KIDINS220: variants seen among roughly 807,000 people sequenced by gnomAD.
KIDINS220 encodes kinase D-interacting substrate of 220 kDa.
A neutral mutation model predicts 157.6 loss-of-function variants in KIDINS220; 63 were observed. The observed-to-expected ratio is 0.40, with a 90% confidence interval of 0.33 to 0.49. KIDINS220 has a LOEUF of 0.49. Among genes scored for constraint, KIDINS220 ranks in the 20% least tolerant of loss-of-function variants. The pLI is 0.66. For synonymous variants in KIDINS220, 732 were observed against 783.6 expected (o/e 0.93, Z 1.10); for missense variants, 1,772 against 2,171.2 (o/e 0.82, Z 3.65).
In KIDINS220 at chr2:8,730,407, A is replaced by C; in HGVS notation, c.*313T>G. 1 of 1,119,534 alleles carries C rather than the reference A, an allele frequency of 8.9e-7. No homozygotes were observed. The highest frequency in any genetic ancestry group is 1.1e-6 in the Non-Finnish European group (1 of 917,768). 69.4% of individuals were successfully genotyped at this position (1,119,534 alleles called of 1,614,324 possible). A position where few individuals can be genotyped will look rare whatever the true frequency, so the allele number is the denominator to read the frequency against. ...TTTGGCACATTAAGCCCTTTAAAAT[A>C]CTTCTGACCTATCTTTATACTCAGA... On this transcript the variant is annotated 3_prime_UTR_variant, in exon 30 of 30. Coordinates refer to ENST00000256707, the MANE Select transcript of KIDINS220 (RefSeq NM_020738.4).
chr2:8,820,560 C>T (rs1037065854), intron 2 of KIDINS220, among the ~76,000 whole-genome samples: 1 of 152,116 alleles, frequency 6.6e-6, no homozygotes, highest in Non-Finnish European at 1.5e-5. Flanking sequence ...GTTCAAGTAT[C>T]GGTCACGTTA....
At chr2:8,797,090 C>G (rs892896370) in intron 10 of KIDINS220, among the ~76,000 whole-genome samples, 3 of 152,060 alleles carry the variant, frequency 2.0e-5, no homozygotes, top group African/African-American at 7.2e-5. Context: ...TGGGACCTGC[C>G]CCAGCTGCTC....
In KIDINS220 at chr2:8,733,645, G is replaced by A. The variant is rs1340917260; in HGVS notation, c.3852C>T (p.Val1284=). The part of the protein sequence containing the change: ...LEMRNAESHV[V]PEDPRFLSES... ...CACTGAGGAAACGTGGGTCTTCAGG[G>A]ACCACGTGGCTTTCTGCGTTTCTCA... Residue 1284 remains valine, a synonymous_variant, in exon 29 of 30, where the codon GTC becomes GTT. Coordinates refer to ENST00000256707, the MANE Select transcript of KIDINS220 (RefSeq NM_020738.4). 2 of 1,597,268 alleles carry A rather than the reference G, an allele frequency of 1.3e-6. No individual in the cohort carries two copies. Among genetic ancestry groups the A allele is most frequent in the East Asian group, 4.5e-5 (2 of 44,402 alleles).
chr2:8,829,149 C>A (rs1440762956), intron 1 of KIDINS220, among the ~76,000 whole-genome samples: 1 of 152,172 alleles, frequency 6.6e-6, no homozygotes, highest in Admixed American at 6.5e-5. Context: ...CAGATCGGGG[C>A]TGCCAGGGTC....
At chr2:8,808,109 G>T (rs1304230902) in intron 6 of KIDINS220, among the ~76,000 whole-genome samples, 1 of 151,544 alleles carries the variant, frequency 6.6e-6, no homozygotes, top group African/African-American at 2.4e-5. Flanking sequence ...GGGTAACAGA[G>T]CAAGACTCTG....
intron 6 of KIDINS220, among the ~76,000 whole-genome samples, chr2:8,810,932 G>A (rs184679331): frequency 3.3e-5 from 5 of 152,034 alleles, no homozygotes; most frequent in Admixed American, 6.5e-5. Flanking sequence ...GCCTCCCTAC[G>A]CTCCTCATTA....
intron 22 of KIDINS220, among the ~76,000 whole-genome samples, chr2:8,758,304 G>T (rs912777446): frequency 6.6e-6 from 1 of 152,090 alleles, no homozygotes; most frequent in Non-Finnish European, 1.5e-5. Flanking sequence ...TCACTTCCCA[G>T]GTTCCAAACA....
chr2:8,828,472 C>A (rs890020228), intron 1 of KIDINS220, among the ~76,000 whole-genome samples: 1 of 152,152 alleles, frequency 6.6e-6, no homozygotes, highest in Non-Finnish European at 1.5e-5. Context: ...ACTATAAGTT[C>A]TAAAAGAGTA....
intron 7 of KIDINS220, among the ~76,000 whole-genome samples, chr2:8,804,512 G>A (rs776327520): frequency 6.6e-6 from 1 of 152,158 alleles, no homozygotes; most frequent in African/African-American, 2.4e-5. Flanking sequence ...TCAGTAAGAT[G>A]TATCTAACCA....
At chr2:8,820,351 C>T (rs759996658) in intron 2 of KIDINS220, among the ~76,000 whole-genome samples, 4 of 152,104 alleles carry the variant, frequency 2.6e-5, no homozygotes, top group Non-Finnish European at 5.9e-5. Flanking sequence ...AAACTATATA[C>T]CCAGTGTGAG....
At chr2:8,728,694 G>A (rs891284254), downstream of KIDINS220, among the ~76,000 whole-genome samples, 1 of 152,220 alleles carries the variant, frequency 6.6e-6, no homozygotes, top group Non-Finnish European at 1.5e-5. Context: ...GCGCTAGCAT[G>A]CTGTGGGCAC....
intron 8 of KIDINS220, among the ~76,000 whole-genome samples, chr2:8,801,309 A>C (rs951873930): frequency 6.6e-6 from 1 of 152,226 alleles, no homozygotes; most frequent in Non-Finnish European, 1.5e-5. Flanking sequence ...CTATGAAATA[A>C]ATCAGGATGC....
intron 1 of KIDINS220, among the ~76,000 whole-genome samples, chr2:8,833,659 T>A (rs1477672621): frequency 2.6e-5 from 4 of 152,208 alleles, no homozygotes; most frequent in African/African-American, 9.7e-5. Flanking sequence ...ATTTCTTGAA[T>A]AAATGGACAT....
intron 1 of KIDINS220, among the ~76,000 whole-genome samples, chr2:8,831,251 T>G (rs533568605): frequency 4.6e-5 from 7 of 152,308 alleles, no homozygotes; most frequent in Non-Finnish European, 8.8e-5. Context: ...GATGAGGGCA[T>G]GCAGATTCTT....
At chr2:8,741,794 C>T (rs544251056) in intron 26 of KIDINS220, among the ~76,000 whole-genome samples, 19 of 152,212 alleles carry the variant, frequency 1.2e-4, no homozygotes, top group East Asian at 3.9e-4. Context: ...GACTTTCAAG[C>T]GGGAAGTGAA....
In KIDINS220 at chr2:8,824,521, G is replaced by A. The variant is rs193132827; in HGVS notation, c.108+2465C>T. 5.3e-5 allele frequency among the ~76,000 whole-genome samples: 8 copies of A among 151,956 alleles called. No individual in the cohort carries two copies. In the East Asian group the frequency reaches 1.6e-3, roughly 29 times the overall value. On this transcript the variant is annotated intron_variant, in intron 2 of 29. Transcript: ENST00000256707. ...CATGGCAAAACCCCATCTCGACTAA[G>A]ATACAAAAAATTAGCCAGGTATGGT... is the stretch of plus-strand genomic sequence containing the variant.
In KIDINS220 at chr2:8,747,144, C is replaced by T. The variant is rs775189420; in HGVS notation, c.3585+1G>A. On this transcript the variant is annotated splice_donor_variant, in intron 26 of 29. Transcript: ENST00000256707. LOFTEE classifies it high-confidence loss of function. ...TCCACACCACAGGACTACTCCATTA[C>T]CCTCGAGGAGTCTGTGGGTGAAGAA... The T allele has an allele frequency of 9.3e-6, 15 of 1,613,596 alleles. No individual in the cohort carries two copies. Among genetic ancestry groups the T allele is most frequent in the Non-Finnish European group, 1.2e-5 (14 of 1,179,492 alleles).
Position 8,729,824 on chromosome 2 carries a change from T to C in KIDINS220, c.*896A>G. 3 of 982,086 alleles carry C rather than the reference T, an allele frequency of 3.1e-6. No individual in the cohort carries two copies. The highest frequency in any genetic ancestry group is 3.6e-6 in the Non-Finnish European group (3 of 826,870). The allele number at this position is 982,086 out of a possible 1,614,324, so 60.8% of individuals were successfully genotyped here. A position where few individuals can be genotyped will look rare whatever the true frequency, so the allele number is the denominator to read the frequency against. On this transcript the variant is annotated 3_prime_UTR_variant, in exon 30 of 30. Coordinates refer to ENST00000256707, the MANE Select transcript of KIDINS220 (RefSeq NM_020738.4). ...GTAATTATTTCCTCATTCACTCATC[T>C]ATAAATATTTATTAGTACCTATTAT...
At chr2:8,757,393 G>A (rs1276407264) in intron 22 of KIDINS220, 1 of 1,162,074 alleles carries the variant, frequency 8.6e-7, no homozygotes, top group East Asian at 5.5e-5. Context: ...GTCACAGTCA[G>A]TTCAGTAAAT....
Sources: allele counts gnomAD v4.1 joint callset (sites outside exome capture counted in the v4.1 genomes callset), GRCh38; gene constraint gnomAD v4.1.1; transcripts MANE v1.5; gene names NCBI Gene and HGNC (gene_info 2026-07-23, HGNC 2026-07-21).